The following PCDH15 variants were observed in gnomAD, a reference collection of about 807,000 sequenced individuals.
PCDH15 encodes the protein protocadherin-15.
A neutral mutation model predicts 178.5 loss-of-function variants in PCDH15; 129 were observed. That is an observed-to-expected ratio of 0.72 (90% CI 0.63 to 0.84). PCDH15 has a LOEUF of 0.84. PCDH15 is among the 40% of genes least tolerant of loss of function. The pLI, the probability that PCDH15 is intolerant of heterozygous loss-of-function variation, is 0.00. For missense variants in PCDH15, 2,230 were observed against 2,099.9 expected, an observed-to-expected ratio of 1.06 and a Z score of -1.21; for synonymous variants, 800 against 732.0, an observed-to-expected ratio of 1.09 and a Z score of -1.50.
chr10:54,670,407 T>C (rs2094642457), intron 1 of PCDH15, among the ~76,000 whole-genome samples: 1 of 152,136 alleles, frequency 6.6e-6, no homozygotes, highest in African/African-American at 2.4e-5. Flanking sequence ...TGTCTTAACA[T>C]GTCTGTTGAG....
At chr10:55,610,513 T>C (rs1202600023) in intron 2 of PCDH15, among the ~76,000 whole-genome samples, 2 of 152,040 alleles carry the variant, frequency 1.3e-5, no homozygotes, top group Non-Finnish European at 2.9e-5. Context: ...AACATTTTGG[T>C]AGATGGTAAA....
chr10:55,028,601 C>T (rs2384611), intron 2 of PCDH15, among the ~76,000 whole-genome samples: 86,451 of 151,824 alleles, frequency 0.57, 24,956 homozygotes, highest in East Asian at 0.75. Flanking sequence ...ATCCAGACTT[C>T]GCATTTTTTT....
intron 2 of PCDH15, among the ~76,000 whole-genome samples, chr10:54,928,364 T>C (rs982768933): frequency 8.7e-5 from 13 of 149,534 alleles, no homozygotes; most frequent in Admixed American, 5.3e-4. Flanking sequence ...CTAGCTGCCA[T>C]TAACATTTCT....
At chr10:54,079,529 C>T in intron 16 of PCDH15, 105 bp from the exon 17 acceptor site, 1 of 981,582 alleles carries the variant, frequency 1.0e-6, no homozygotes, top group Admixed American at 1.7e-5. Flanking sequence ...TTTCCCCTCT[C>T]AGTAATCACA....
intron 10 of PCDH15, among the ~76,000 whole-genome samples, chr10:54,200,409 T>A (rs1335550121): frequency 6.6e-6 from 1 of 151,908 alleles, no homozygotes; most frequent in African/African-American, 2.4e-5. Flanking sequence ...TTTCTCCTAA[T>A]GCTATCCCTC....
At chr10:54,998,033 AG>A (rs1306624403) in intron 2 of PCDH15, among the ~76,000 whole-genome samples, 2 of 152,114 alleles carry the variant, frequency 1.3e-5, no homozygotes, top group Non-Finnish European at 2.9e-5. Flanking sequence ...CTAAAATGTA[AG>A]GGTACTTAGA....
intron 37 of PCDH15, among the ~76,000 whole-genome samples, chr10:53,809,764 C>A (rs2075799367): frequency 6.6e-6 from 1 of 152,054 alleles, no homozygotes; most frequent in African/African-American, 2.4e-5. Context: ...CTTTACAATA[C>A]CCAAATATAT....
At chr10:54,889,260 T>C (rs1199379026) in intron 3 of PCDH15, among the ~76,000 whole-genome samples, 13 of 151,956 alleles carry the variant, frequency 8.6e-5, no homozygotes, top group Admixed American at 6.6e-5. Context: ...TTGTGTACTT[T>C]CCTCACATGC....
intron 15 of PCDH15, among the ~76,000 whole-genome samples, chr10:54,115,389 C>A (rs1490449622): frequency 6.6e-6 from 1 of 152,164 alleles, no homozygotes; most frequent in Non-Finnish European, 1.5e-5. Flanking sequence ...ATAAAAAACA[C>A]CATGATATGC....
At chr10:54,573,449 T>C (rs2133621921) in intron 2 of PCDH15, among the ~76,000 whole-genome samples, 1 of 152,288 alleles carries the variant, frequency 6.6e-6, no homozygotes, top group South Asian at 2.1e-4. Context: ...CTAATGAAAA[T>C]GAAACCAGCA....
intron 10 of PCDH15, among the ~76,000 whole-genome samples, chr10:54,203,274 C>T (rs1228790768): frequency 6.6e-6 from 1 of 152,190 alleles, no homozygotes; most frequent in African/African-American, 2.4e-5. Context: ...GAATACTCTA[C>T]AAGTAATAAG....
At chr10:54,353,671 G>A (rs1539319) in intron 5 of PCDH15, among the ~76,000 whole-genome samples, 17,336 of 151,518 alleles carry the variant, frequency 0.11, 1,743 homozygotes, top group African/African-American at 0.28. Context: ...TTTGTCCTTG[G>A]TCCATCTATT....
At chr10:55,559,374 T>C (rs970580400) in intron 2 of PCDH15, among the ~76,000 whole-genome samples, 1 of 151,894 alleles carries the variant, frequency 6.6e-6, no homozygotes, top group African/African-American at 2.4e-5. Flanking sequence ...TGTAGTAGAG[T>C]TTTATTTTTA....
chr10:53,818,788 T>G (rs2076152328), intron 33 of PCDH15, among the ~76,000 whole-genome samples: 1 of 152,066 alleles, frequency 6.6e-6, no homozygotes, highest in African/African-American at 2.4e-5. Flanking sequence ...TATGTAGAAT[T>G]AATCAATCAG....
intron 2 of PCDH15, among the ~76,000 whole-genome samples, chr10:55,601,147 C>T (rs942471219): frequency 6.6e-6 from 1 of 152,090 alleles, no homozygotes; most frequent in African/African-American, 2.4e-5. Context: ...TTCCAGAGAG[C>T]TCTCCATATA....
chr10:54,420,311 C>T (rs1364458629), intron 3 of PCDH15, among the ~76,000 whole-genome samples: 1 of 151,966 alleles, frequency 6.6e-6, no homozygotes, highest in Non-Finnish European at 1.5e-5. Flanking sequence ...TGAGAAATGC[C>T]AAAGATATGT....
upstream of PCDH15, among the ~76,000 whole-genome samples, chr10:54,802,299 A>G (rs1311363339): frequency 6.6e-6 from 1 of 152,236 alleles, no homozygotes; most frequent in Admixed American, 6.5e-5. Flanking sequence ...AAATGGACTT[A>G]TCTTGCAGGC....
At chr10:54,513,538 C>A (rs1490092316) in intron 3 of PCDH15, among the ~76,000 whole-genome samples, 3 of 151,938 alleles carry the variant, frequency 2.0e-5, no homozygotes, top group Admixed American at 2.0e-4. Flanking sequence ...TTATTGAACA[C>A]AAAACAAAAT....
intron 2 of PCDH15, among the ~76,000 whole-genome samples, chr10:54,576,194 T>C (rs559173339): frequency 1.3e-5 from 2 of 152,354 alleles, no homozygotes; most frequent in East Asian, 3.9e-4. Context: ...GTAGAACTGC[T>C]GCTTTTCCAG....
Sources: allele counts gnomAD v4.1 joint callset (sites outside exome capture counted in the v4.1 genomes callset), GRCh38; gene constraint gnomAD v4.1.1; transcripts MANE v1.5; gene names NCBI Gene and HGNC (gene_info 2026-07-23, HGNC 2026-07-21).